Variants in FGD4 observed in about 807,000 individuals in gnomAD.
The protein encoded by FGD4 is FYVE, RhoGEF and PH domain-containing protein 4.
In FGD4, 42 loss-of-function variants were observed where a neutral mutation model predicts 102.0. The observed-to-expected ratio is 0.41, with a 90% CI of 0.32 to 0.53. The LOEUF (loss-of-function observed/expected upper bound fraction) is 0.53, where lower values mean the gene tolerates loss of function less well. FGD4 is among the 20% of genes least tolerant of loss of function. FGD4 has a pLI of 0.21. For missense variants in FGD4, 902 were observed against 1,078.2 expected, an observed-to-expected ratio of 0.84 and a Z score of 2.29; for synonymous variants, 380 against 375.7, an observed-to-expected ratio of 1.01 and a Z score of -0.13.
chr12:32,609,262 C>T (rs1948986587), intron 8 of FGD4, among the ~76,000 whole-genome samples: 1 of 152,170 alleles, frequency 6.6e-6, no homozygotes, highest in African/African-American at 2.4e-5. Flanking sequence ...TCCATTGGCC[C>T]CTTCCATAGT....
chr12:32,479,150 C>A (rs1354251335), intron 1 of FGD4, among the ~76,000 whole-genome samples: 1 of 152,188 alleles, frequency 6.6e-6, no homozygotes, highest in East Asian at 1.9e-4. Flanking sequence ...CTTCAGTCTT[C>A]ACAATTTTTC....
At chr12:32,415,608 G>T (rs1453863038) in intron 1 of FGD4, among the ~76,000 whole-genome samples, 1 of 152,010 alleles carries the variant, frequency 6.6e-6, no homozygotes, top group East Asian at 1.9e-4. Flanking sequence ...ATTTTTAGTA[G>T]AGACGGGTTT....
intron 1 of FGD4, among the ~76,000 whole-genome samples, chr12:32,479,885 T>C (rs1197125007): frequency 6.8e-6 from 1 of 147,890 alleles, no homozygotes; most frequent in African/African-American, 2.5e-5. Flanking sequence ...ACCTCCCAAG[T>C]TCAAGTGATT....
chr12:32,620,520 CTTTTTTTTT>C (rs1233071153), intron 11 of FGD4, among the ~76,000 whole-genome samples: 1 of 91,136 alleles, frequency 1.1e-5, no homozygotes, highest in Non-Finnish European at 2.0e-5. Context: ...TTTTTTCTTT[CTTTTTTTTT>C]TTTTTTTTTT....
intron 1 of FGD4, among the ~76,000 whole-genome samples, chr12:32,504,795 A>G (rs1349613625): frequency 1.3e-5 from 2 of 152,248 alleles, no homozygotes; most frequent in Non-Finnish European, 2.9e-5. Context: ...CAGCAAATCA[A>G]CCAGCATTAG....
rs552343613 is a variant in FGD4, at chr12:32,431,991, C to T, written c.166+32032C>T. Among the ~76,000 whole-genome samples, 11 of 151,066 alleles carry T rather than the reference C, an allele frequency of 7.3e-5. No individual in the cohort carries two copies. The East Asian group carries it at 1.8e-3, about 24-fold the overall frequency. ...AACGGATCTTCTGGCCGTCTCTGGG[C>T]ACCTTATTTAAAATTGGGAGCCCTG... On this transcript the variant is annotated intron_variant, in intron 1 of 16. Coordinates refer to ENST00000534526, the MANE Select transcript of FGD4 (RefSeq NM_001370298.3).
At chr12:32,429,718 A>C (rs2651375) in intron 1 of FGD4, among the ~76,000 whole-genome samples, 82,405 of 152,066 alleles carry the variant, frequency 0.54, 23,616 homozygotes, top group African/African-American at 0.74. Context: ...GATGCTTTGT[A>C]CAGATAGGAG....
chr12:32,620,788 C>T (rs12314420), intron 11 of FGD4, among the ~76,000 whole-genome samples: 21,970 of 148,860 alleles, frequency 0.15, 1,856 homozygotes, highest in Middle Eastern at 0.25. Context: ...AGCTCCGCCT[C>T]CCGGGTTCAC....
At chr12:32,412,906 T>A (rs1034680308) in intron 1 of FGD4, among the ~76,000 whole-genome samples, 1 of 137,424 alleles carries the variant, frequency 7.3e-6, no homozygotes, top group African/African-American at 2.9e-5. Flanking sequence ...GAAATTTTTT[T>A]TTTTTTTTTT....
intron 1 of FGD4, among the ~76,000 whole-genome samples, chr12:32,435,340 A>G (rs1942193160): frequency 6.6e-6 from 1 of 152,172 alleles, no homozygotes; most frequent in Admixed American, 6.5e-5. Context: ...GCTAATTCAC[A>G]GATTTGGGTG....
Position 32,645,489 on chromosome 12 carries a change from T to A in FGD4, c.*4956T>A, listed in dbSNP as rs149215917. 3.6e-3 allele frequency: 540 copies of A among 151,774 alleles called. 12 individuals carry two copies. The highest frequency in any genetic ancestry group is 0.035 in the East Asian group (182 of 5,138). The allele number at this position is 151,774 out of a possible 1,614,324, so 9.4% of individuals were successfully genotyped here. A position where few individuals can be genotyped will look rare whatever the true frequency, so the allele number is the denominator to read the frequency against. ...AAACCCTGTCTCTACTAAATAAAAA[T>A]AAAACAAAATAAGTGTATCTGGGCC... On this transcript the variant is annotated 3_prime_UTR_variant, in exon 17 of 17. Coordinates refer to ENST00000534526, the MANE Select transcript of FGD4 (RefSeq NM_001370298.3).
At chr12:32,466,912 C>T (rs1023064883) in intron 1 of FGD4, among the ~76,000 whole-genome samples, 5 of 150,364 alleles carry the variant, frequency 3.3e-5, no homozygotes, top group Non-Finnish European at 5.9e-5. Flanking sequence ...ACACCTCCTA[C>T]GGAATGTGGT....
intron 1 of FGD4, among the ~76,000 whole-genome samples, chr12:32,469,215 TG>T (rs1319381295): frequency 6.6e-6 from 1 of 152,196 alleles, no homozygotes; most frequent in African/African-American, 2.4e-5. Context: ...TTATTCAACT[TG>T]TTTTTTTATT....
chr12:32,630,416 C>T (rs1326479221), intron 14 of FGD4, among the ~76,000 whole-genome samples: 1 of 152,146 alleles, frequency 6.6e-6, no homozygotes, highest in Non-Finnish European at 1.5e-5. Context: ...TAGCTCACAC[C>T]TATAATCCCA....
At chr12:32,436,813 G>T (rs901582232) in intron 1 of FGD4, among the ~76,000 whole-genome samples, 2 of 151,976 alleles carry the variant, frequency 1.3e-5, no homozygotes, top group African/African-American at 2.4e-5. Flanking sequence ...TTACTTCCCT[G>T]CATATAAAAA....
At chr12:32,528,003 C>T (rs922067205) in intron 1 of FGD4, among the ~76,000 whole-genome samples, 7 of 151,840 alleles carry the variant, frequency 4.6e-5, no homozygotes, top group African/African-American at 1.5e-4. Context: ...CTTGCTCTGT[C>T]ACCCACGCTG....
intron 1 of FGD4, among the ~76,000 whole-genome samples, chr12:32,455,115 T>A (rs896466690): frequency 6.6e-6 from 1 of 152,156 alleles, no homozygotes; most frequent in African/African-American, 2.4e-5. Context: ...CGAGGAAGAT[T>A]GCATTGTTCT....
At chr12:32,583,175 A>G (rs1217735327) in intron 4 of FGD4, among the ~76,000 whole-genome samples, 1 of 152,086 alleles carries the variant, frequency 6.6e-6, no homozygotes, top group African/African-American at 2.4e-5. Flanking sequence ...CATATCTACA[A>G]AAATTTTAAA....
chr12:32,628,799 A>C (rs1237007564), intron 14 of FGD4, among the ~76,000 whole-genome samples: 1 of 152,168 alleles, frequency 6.6e-6, no homozygotes, highest in African/African-American at 2.4e-5. Context: ...AAAATTATGT[A>C]AAGAGCAATA....
Sources: gnomAD v4.1 joint callset for allele counts (sites outside exome capture counted in the v4.1 genomes callset) on GRCh38, gnomAD v4.1.1 for gene constraint, MANE v1.5 for transcripts, NCBI Gene and HGNC (gene_info 2026-07-23, HGNC 2026-07-21) for gene names.